Variants in RYR3 observed in about 807,000 individuals in gnomAD.
RYR3 encodes ryanodine receptor 3.
RYR3 carries 207 observed loss-of-function variants against 584.3 expected under a neutral mutation model. That is an observed-to-expected ratio of 0.35 (90% CI 0.32 to 0.40). RYR3 has a LOEUF of 0.40. Ranked by LOEUF, RYR3 falls within the 10% of genes least tolerant of loss-of-function variation. The probability of loss-of-function intolerance (pLI) is 1.00; values close to 1 mark genes in which losing one functional copy is unlikely to be tolerated. For synonymous variants in RYR3, 2,416 were observed against 2,248.5 expected (o/e 1.07, Z -2.11); for missense variants, 5,616 against 6,089.2 (o/e 0.92, Z 2.59).
intron 16 of RYR3, among the ~76,000 whole-genome samples, chr15:33,598,430 C>CA (rs56904280): frequency 0.75 from 113,227 of 151,760 alleles, 43,109 homozygotes; most frequent in East Asian, 0.93. Flanking sequence ...TCTGCTAGGA[C>CA]AAATGCTGCT....
intron 1 of RYR3, among the ~76,000 whole-genome samples, chr15:33,341,331 G>A (rs886223914): frequency 2.0e-5 from 3 of 152,054 alleles, no homozygotes; most frequent in African/African-American, 4.8e-5. Context: ...GAGCCACTGC[G>A]CCCGGTCTGA....
chr15:33,596,498 G>GTC lies in RYR3; in HGVS notation c.1789-4921_1789-4920insTC, dbSNP rs1555547365. ...CAACTCAATATTGTTCTTTTTTTGG[G>GTC]GGGGGGGGATTTCTGACTTCTTTTT... On this transcript the variant is annotated intron_variant, in intron 16 of 103. Transcript: ENST00000634891. Among the ~76,000 whole-genome samples the GTC allele has an allele frequency of 1.2e-4, 17 of 137,316 alleles. 1 individual carries two copies. Among genetic ancestry groups the GTC allele is most frequent in the African/African-American group, 4.3e-4 (16 of 36,958 alleles). The allele number at this position is 137,316 out of a possible 152,430, so 90.1% of individuals were successfully genotyped here.
chr15:33,420,130 T>TA (rs2044132945), intron 1 of RYR3, among the ~76,000 whole-genome samples: 1 of 152,186 alleles, frequency 6.6e-6, no homozygotes, highest in South Asian at 2.1e-4. Flanking sequence ...CAGCAATTCT[T>TA]AATGTGTTAC....
chr15:33,685,147 T>C (rs1051131642), intron 38 of RYR3, among the ~76,000 whole-genome samples: 3 of 152,218 alleles, frequency 2.0e-5, no homozygotes, highest in Non-Finnish European at 4.4e-5. Flanking sequence ...AGATCTAGAC[T>C]GGCAAATTGG....
chr15:33,441,774 C>G (rs377244209), intron 1 of RYR3, among the ~76,000 whole-genome samples: 1 of 152,152 alleles, frequency 6.6e-6, no homozygotes, highest in Non-Finnish European at 1.5e-5. Context: ...TGTCTTAAGA[C>G]CTTACTGCTG....
At chr15:33,744,303 C>T (rs963827388) in intron 52 of RYR3, among the ~76,000 whole-genome samples, 1 of 152,186 alleles carries the variant, frequency 6.6e-6, no homozygotes, top group Non-Finnish European at 1.5e-5. Context: ...AGTTAAACAT[C>T]TACACATTTA....
intron 1 of RYR3, among the ~76,000 whole-genome samples, chr15:33,383,312 A>G (rs937141571): frequency 4.1e-5 from 6 of 146,070 alleles, no homozygotes; most frequent in African/African-American, 7.7e-5. Flanking sequence ...TGTTGCCGTC[A>G]TGAGAGAGGA....
At chr15:33,637,738 C>G (rs2061571260) in intron 27 of RYR3, among the ~76,000 whole-genome samples, 1 of 152,162 alleles carries the variant, frequency 6.6e-6, no homozygotes, top group African/African-American at 2.4e-5. Context: ...ATGACTTTTG[C>G]ACTTTTTTTT....
At position 33,848,437 on chromosome 15, in the gene RYR3, C is replaced by T. The variant is rs2152991744; in HGVS notation, c.13628+16C>T. The T allele has an allele frequency of 1.3e-6, 2 of 1,599,506 alleles. No homozygotes were observed. Among genetic ancestry groups the T allele is most frequent in the Non-Finnish European group, 1.7e-6 (2 of 1,175,556 alleles). On this transcript the variant is annotated intron_variant, in intron 94 of 103. Transcript: ENST00000634891. The stretch of plus-strand genomic sequence containing the variant: ...TCAACACACCGTGAGTGTCCCTCTA[C>T]CCCAACCTAAAAAGGAGATGGAGTC...
chr15:33,566,326 C>T (rs575621088), intron 11 of RYR3, among the ~76,000 whole-genome samples: 2 of 152,296 alleles, frequency 1.3e-5, no homozygotes, highest in South Asian at 4.1e-4. Flanking sequence ...AACACAGTGA[C>T]TTTTCCCATT....
At chr15:33,836,053 T>C (rs184271998) in intron 87 of RYR3, among the ~76,000 whole-genome samples, 2 of 152,206 alleles carry the variant, frequency 1.3e-5, no homozygotes. Flanking sequence ...ACACCATAGG[T>C]GATGAAGATT....
intron 89 of RYR3, chr15:33,840,611 G>A (rs1261957879): frequency 1.7e-6 from 1 of 594,842 alleles, no homozygotes; most frequent in Non-Finnish European, 3.0e-6. Context: ...ATAGAAGGGA[G>A]GTTGAGTTTT....
chr15:33,749,829 A>G (rs2071105694), intron 55 of RYR3, 150 bp from the exon 56 acceptor site: 2 of 643,052 alleles, frequency 3.1e-6, no homozygotes, highest in Admixed American at 2.7e-5. Flanking sequence ...ACATAAGCAC[A>G]CACTAATTAA....
intron 2 of RYR3, among the ~76,000 whole-genome samples, chr15:33,475,569 G>T (rs180938875): frequency 6.6e-6 from 1 of 152,314 alleles, no homozygotes; most frequent in East Asian, 1.9e-4. Context: ...ACCTCCTGCT[G>T]TGCAGCCTGG....
chr15:33,338,753 T>C (rs1400935590), intron 1 of RYR3, among the ~76,000 whole-genome samples: 1 of 152,130 alleles, frequency 6.6e-6, no homozygotes, highest in Non-Finnish European at 1.5e-5. Flanking sequence ...CATACATATA[T>C]TCATATATAT....
intron 18 of RYR3, 122 bp from the exon 19 acceptor site, chr15:33,613,061 A>G (rs1408726681): frequency 1.5e-6 from 1 of 651,746 alleles, no homozygotes; most frequent in African/African-American, 1.8e-5. Context: ...ATGCAGTAGT[A>G]CCTCCGGACC....
At chr15:33,759,446 A>G (rs2152864696) in intron 60 of RYR3, among the ~76,000 whole-genome samples, 1 of 152,352 alleles carries the variant, frequency 6.6e-6, no homozygotes, top group East Asian at 1.9e-4. Flanking sequence ...TTAGGGAAGA[A>G]CATAAATGAC....
At chr15:33,705,292 A>T (rs1448680960) in intron 42 of RYR3, among the ~76,000 whole-genome samples, 1 of 152,176 alleles carries the variant, frequency 6.6e-6, no homozygotes, top group African/African-American at 2.4e-5. Context: ...AAGAAGGAAA[A>T]AGTGTGGTGA....
Position 33,746,123 on chromosome 15 carries a change from C to T in RYR3, c.7955C>T (p.Pro2652Leu). The change falls in exon 53 of 104, where the codon CCA (proline) becomes CTA (leucine). Residue 2652 changes from proline (P) to leucine (L), a missense_variant. Transcript: ENST00000634891. The stretch of plus-strand genomic sequence containing the variant: ...CTGGATGAAAATGTGAAGACCCACC[C>T]ACTGATAAGGCCTTTCAAGACATTA... ...ISLDENVKTH[P>L]LIRPFKTLTE... 1 of 1,600,390 alleles carries T rather than the reference C, an allele frequency of 6.2e-7. No individual in the cohort carries two copies. Among genetic ancestry groups the T allele is most frequent in the Non-Finnish European group, 8.5e-7 (1 of 1,173,400 alleles).
Sources: allele counts gnomAD v4.1 joint callset (sites outside exome capture counted in the v4.1 genomes callset), GRCh38; gene constraint gnomAD v4.1.1; transcripts MANE v1.5; gene names NCBI Gene and HGNC (gene_info 2026-07-23, HGNC 2026-07-21).